Variants in JAKMIP2 observed in about 807,000 individuals in gnomAD.
JAKMIP2 encodes janus kinase and microtubule-interacting protein 2.
Under a neutral mutation model 115.0 loss-of-function variants are expected in JAKMIP2, and 25 were observed. That is an observed-to-expected ratio of 0.22 (90% confidence interval 0.16 to 0.30). JAKMIP2 has a LOEUF of 0.30. JAKMIP2 is among the 10% of genes least tolerant of loss of function. The pLI, the probability that JAKMIP2 is intolerant of heterozygous loss-of-function variation, is 1.00. For missense variants in JAKMIP2, 642 were observed against 957.6 expected, an observed-to-expected ratio of 0.67 and a Z score of 4.35; for synonymous variants, 334 against 343.6, an observed-to-expected ratio of 0.97 and a Z score of 0.31.
intron 1 of JAKMIP2, among the ~76,000 whole-genome samples, chr5:147,705,760 G>A (rs1561549476): frequency 6.6e-6 from 1 of 152,106 alleles, no homozygotes; most frequent in Admixed American, 6.6e-5. Flanking sequence ...ATAAAACATT[G>A]AAAGAAAGCA....
chr5:147,760,332 G>A (rs1754888061), intron 1 of JAKMIP2, among the ~76,000 whole-genome samples: 1 of 150,434 alleles, frequency 6.6e-6, no homozygotes, highest in Non-Finnish European at 1.5e-5. Context: ...AGGAAGTCAA[G>A]CACTGAGCCT....
intron 2 of JAKMIP2, among the ~76,000 whole-genome samples, chr5:147,671,158 G>A (rs1021862325): frequency 1.3e-5 from 2 of 151,498 alleles, no homozygotes; most frequent in Admixed American, 6.6e-5. Context: ...CAGAATGATC[G>A]AGAGAGAGAA....
At chr5:147,612,210 A>C (rs952175267) in intron 20 of JAKMIP2, 96 bp downstream of exon 20, 9 of 869,858 alleles carry the variant, frequency 1.0e-5, no homozygotes, top group Non-Finnish European at 1.7e-5. Context: ...CAAGACACAC[A>C]ATAACTGAGA....
intron 1 of JAKMIP2, among the ~76,000 whole-genome samples, chr5:147,756,311 A>G (rs1447288574): frequency 2.0e-5 from 3 of 152,182 alleles, no homozygotes; most frequent in Admixed American, 1.3e-4. Context: ...AGTTTTAAAA[A>G]AATGATAGGG....
intron 1 of JAKMIP2, among the ~76,000 whole-genome samples, chr5:147,678,411 G>T (rs940897801): frequency 6.6e-6 from 1 of 152,058 alleles, no homozygotes; most frequent in African/African-American, 2.4e-5. Context: ...TCTGTACTTG[G>T]CTTATTTTAC....
At chr5:147,781,573 C>A (rs1413453985) in intron 1 of JAKMIP2, among the ~76,000 whole-genome samples, 2 of 152,138 alleles carry the variant, frequency 1.3e-5, no homozygotes, top group Non-Finnish European at 2.9e-5. Flanking sequence ...AATAAAGAGG[C>A]AGGCTACAAA....
intron 1 of JAKMIP2, among the ~76,000 whole-genome samples, chr5:147,765,747 C>T (rs918486198): frequency 6.6e-6 from 1 of 152,102 alleles, no homozygotes; most frequent in Non-Finnish European, 1.5e-5. Context: ...AAAAATTCAC[C>T]TGTAATTCTA....
chr5:147,724,390 T>C (rs1291439407), intron 1 of JAKMIP2, among the ~76,000 whole-genome samples: 3 of 152,194 alleles, frequency 2.0e-5, no homozygotes, highest in Admixed American at 6.5e-5. Flanking sequence ...CAAGGTGTTA[T>C]ATAGAAATAT....
intron 1 of JAKMIP2, among the ~76,000 whole-genome samples, chr5:147,763,678 G>A (rs1755012746): frequency 6.6e-6 from 1 of 152,094 alleles, no homozygotes; most frequent in South Asian, 2.1e-4. Flanking sequence ...TTTCACCCAG[G>A]TAATGGAGAG....
At position 147,660,881 on chromosome 5, in the gene JAKMIP2, C is replaced by A. The variant is rs1758919605; in HGVS notation, c.627+67G>T. 1.2e-5 allele frequency: 19 copies of A among 1,548,344 alleles called. No homozygotes were observed. The East Asian group carries it at 4.1e-4, about 33-fold the overall frequency. ...ACAAGAAAACACATGAAGAAGCAAA[C>A]CCCACAGCGCTCTGAAACCTGGAAG... On this transcript the variant is annotated intron_variant, in intron 3 of 21. Coordinates refer to ENST00000616793, the MANE Select transcript of JAKMIP2 (RefSeq NM_001270941.2).
At chr5:147,773,443 C>T (rs763074829) in intron 1 of JAKMIP2, among the ~76,000 whole-genome samples, 38 of 142,920 alleles carry the variant, frequency 2.7e-4, no homozygotes, top group Non-Finnish European at 4.9e-4. Flanking sequence ...TAAATGTAGA[C>T]AGTTCATGTT....
chr5:147,672,641 A>T (rs902032066), intron 1 of JAKMIP2, among the ~76,000 whole-genome samples: 1 of 152,236 alleles, frequency 6.6e-6, no homozygotes, highest in Non-Finnish European at 1.5e-5. Context: ...TTTTTAAAAA[A>T]TAGGCATGAA....
At chr5:147,737,941 TG>T (rs1000519216) in intron 1 of JAKMIP2, among the ~76,000 whole-genome samples, 1 of 152,192 alleles carries the variant, frequency 6.6e-6, no homozygotes, top group Non-Finnish European at 1.5e-5. Flanking sequence ...AATCAGATAT[TG>T]GTCCTCCCAC....
At chr5:147,735,195 C>T (rs1753875040) in intron 1 of JAKMIP2, among the ~76,000 whole-genome samples, 1 of 152,122 alleles carries the variant, frequency 6.6e-6, no homozygotes, top group Non-Finnish European at 1.5e-5. Context: ...CTTAAACTGT[C>T]TTAGTTCCCT....
At chr5:147,680,850 G>A (rs73270140) in intron 1 of JAKMIP2, among the ~76,000 whole-genome samples, 2,125 of 152,286 alleles carry the variant, frequency 0.014, 53 homozygotes, top group African/African-American at 0.049. Flanking sequence ...GAATGTGGTG[G>A]CATGGCTATA....
intron 4 of JAKMIP2, 149 bp downstream of exon 4, chr5:147,650,189 C>T (rs909312000): frequency 1.6e-6 from 1 of 620,888 alleles, no homozygotes; most frequent in Non-Finnish European, 2.9e-6. Flanking sequence ...TTTAGAAAAC[C>T]CTGTTCTCAA....
intron 4 of JAKMIP2, among the ~76,000 whole-genome samples, chr5:147,649,829 G>A (rs1464235262): frequency 6.6e-5 from 10 of 152,088 alleles, no homozygotes; most frequent in East Asian, 1.9e-4. Flanking sequence ...GCGCACTTCC[G>A]AAAATAATTT....
chr5:147,748,118 T>C (rs547996960), intron 1 of JAKMIP2, among the ~76,000 whole-genome samples: 1 of 152,338 alleles, frequency 6.6e-6, no homozygotes, highest in East Asian at 1.9e-4. Flanking sequence ...CATAATGTTG[T>C]AGAGTACAGA....
Position 147,661,402 on chromosome 5 carries a change from A to G in JAKMIP2, c.173T>C (p.Ile58Thr). 6 of 1,613,834 alleles carry G rather than the reference A, an allele frequency of 3.7e-6. No homozygotes were observed. Among genetic ancestry groups the G allele is most frequent in the Non-Finnish European group, 5.1e-6 (6 of 1,179,960 alleles). The change falls in exon 3 of 22, where the codon ATT (isoleucine) becomes ACT (threonine). Residue 58 changes from isoleucine to threonine, a missense_variant. Ile to Thr is a moderately conservative substitution (Grantham distance 89). Transcript: ENST00000616793. Reference protein sequence around the residue: ...EREKTQEAKRIRELEQRKHTV... With the variant: ...EREKTQEAKRTRELEQRKHTV... ...GTGCTTGCGCTGCTCCAGCTCACGA[A>G]TCCTCTTCGCTTCTTGAGTCTTCTC...
Sources: allele counts gnomAD v4.1 joint callset (sites outside exome capture counted in the v4.1 genomes callset), GRCh38; gene constraint gnomAD v4.1.1; transcripts MANE v1.5; gene names NCBI Gene and HGNC (gene_info 2026-07-23, HGNC 2026-07-21).